PIK3C3: variants seen among roughly 807,000 people sequenced by gnomAD.
PIK3C3 encodes the protein phosphatidylinositol 3-kinase catalytic subunit type 3, also known as PI3-kinase type 3.
Under a neutral mutation model 126.1 loss-of-function variants are expected in PIK3C3, and 95 were observed. The observed-to-expected ratio is 0.75, with a 90% confidence interval of 0.64 to 0.89. The LOEUF (loss-of-function observed/expected upper bound fraction) is 0.89, where lower values mean the gene tolerates loss of function less well. Ranked by LOEUF, PIK3C3 falls within the 40% of genes least tolerant of loss-of-function variation. The probability of loss-of-function intolerance (pLI) is 0.00; values close to 1 mark genes in which losing one functional copy is unlikely to be tolerated. For missense variants in PIK3C3, 829 were observed against 1,063.2 expected (o/e 0.78, Z 3.06); for synonymous variants, 374 against 360.0 (o/e 1.04, Z -0.44).
chr18:42,035,870 G>T (rs2144458475), intron 16 of PIK3C3, among the ~76,000 whole-genome samples: 1 of 152,242 alleles, frequency 6.6e-6, no homozygotes, highest in South Asian at 2.1e-4. Context: ...TAATTTTGTA[G>T]ACCTTAATGT....
chr18:42,057,251 A>T (rs1985110833), intron 21 of PIK3C3, among the ~76,000 whole-genome samples: 1 of 149,698 alleles, frequency 6.7e-6, no homozygotes, highest in East Asian at 2.0e-4. Context: ...CATACTATAC[A>T]ATGAAAACAG....
chr18:42,012,183 TAAAAA>T lies in PIK3C3; in HGVS notation c.1171-1247_1171-1243del, dbSNP rs200019420. ...AGGGTTGCTACAAACCTTCATTCTG[TAAAAA>T]AAAAAAAAAAATGCAATGTGTGCAA... On this transcript the variant is annotated intron_variant, in intron 10 of 24. Transcript: ENST00000262039. Among the ~76,000 whole-genome samples, 4 of 142,216 alleles carry T rather than the reference TAAAAA, an allele frequency of 2.8e-5. No individual in the cohort carries two copies. In the South Asian group the frequency reaches 8.7e-4, roughly 31 times the overall value. 93.3% of individuals were successfully genotyped at this position (142,216 alleles called of 152,430 possible). A position where few individuals can be genotyped will look rare whatever the true frequency, so the allele number is the denominator to read the frequency against.
In PIK3C3 at chr18:42,081,304, T is replaced by A. The variant is rs1451413316; in HGVS notation, c.*167T>A. ...GGTACCTGAGTTCTGCTTCCTTGGATGTCATTGCTTAAATATAGTCTTGAA... is the reference window on the plus strand; with the variant it reads ...GGTACCTGAGTTCTGCTTCCTTGGAAGTCATTGCTTAAATATAGTCTTGAA... On this transcript the variant is annotated 3_prime_UTR_variant, in exon 25 of 25. Transcript: ENST00000262039. The A allele has an allele frequency of 2.6e-5, 13 of 492,884 alleles. No homozygotes were observed. The highest frequency in any genetic ancestry group is 4.8e-5 in the Non-Finnish European group (13 of 271,120). The allele number at this position is 492,884 out of a possible 1,614,324, so 30.5% of individuals were successfully genotyped here.
chr18:41,957,592 G>C lies in PIK3C3; in HGVS notation c.91G>C (p.Glu31Gln). Reference protein sequence around the residue: ...LKIGSLEGKREQKSYKAVLED... With the variant: ...LKIGSLEGKRQQKSYKAVLED... ...CAGAGGAAGCTTGGAAGGGAAGAGA[G>C]AACAAAAGAGTTATAAAGCTGTCCT... is the stretch of plus-strand genomic sequence containing the variant. The change falls in exon 2 of 25, where the codon GAA becomes CAA. Residue 31 changes from glutamate to glutamine, a missense_variant. By Grantham distance (29) the Glu-to-Gln change is conservative. This residue lies in a region of PIK3C3 where 313 missense variants were observed against 340.7 expected (regional missense o/e 0.92). Coordinates refer to ENST00000262039, the MANE Select transcript of PIK3C3 (RefSeq NM_002647.4). The C allele has an allele frequency of 6.2e-7, 1 of 1,609,642 alleles. No individual in the cohort carries two copies. Among genetic ancestry groups the C allele is most frequent in the South Asian group, 1.1e-5 (1 of 90,260 alleles).
At chr18:42,043,923 T>G (rs1329622995) in intron 20 of PIK3C3, 106 bp downstream of exon 20, 7 of 704,402 alleles carry the variant, frequency 9.9e-6, no homozygotes, top group Non-Finnish European at 1.7e-5. Flanking sequence ...ATTTAAATGC[T>G]CTATAGGAAG....
At chr18:41,996,566 T>C (rs1982034854) in intron 8 of PIK3C3, 72 bp from the exon 9 acceptor site, 3 of 652,978 alleles carry the variant, frequency 4.6e-6, no homozygotes, top group South Asian at 5.2e-5. Context: ...AAATGAAAAA[T>C]ATTAAGTGAA....
chr18:42,072,265 T>C (rs1363137684), intron 24 of PIK3C3, among the ~76,000 whole-genome samples: 3 of 152,164 alleles, frequency 2.0e-5, no homozygotes, highest in Admixed American at 6.5e-5. Context: ...GGGAGTAGAT[T>C]AATACATGCT....
intron 12 of PIK3C3, among the ~76,000 whole-genome samples, chr18:42,017,741 T>C (rs930786285): frequency 3.9e-5 from 6 of 152,054 alleles, no homozygotes; most frequent in Non-Finnish European, 4.4e-5. Context: ...TTGATTAATG[T>C]TCATGTTTAT....
chr18:42,027,554 C>T lies in PIK3C3; in HGVS notation c.1590+6C>T, dbSNP rs117737877. ...TCAGCCAAGCATTGTTGAAGGTAAC[C>T]CTTAAATGTGAGGGTTGGCAAACTG... On this transcript the variant is annotated splice_donor_region_variant and intron_variant, in intron 14 of 24. Transcript: ENST00000262039. 828 of 1,579,806 alleles carry T rather than the reference C, an allele frequency of 5.2e-4. 10 individuals carry two copies. The East Asian group carries it at 0.018, about 34-fold the overall frequency.
intron 22 of PIK3C3, among the ~76,000 whole-genome samples, chr18:42,062,179 T>C (rs1985344027): frequency 6.6e-6 from 1 of 152,172 alleles, no homozygotes; most frequent in African/African-American, 2.4e-5. Context: ...GAAAAAATTA[T>C]GTACCTATGT....
intron 4 of PIK3C3, among the ~76,000 whole-genome samples, chr18:41,972,324 TA>T (rs1273616847): frequency 1.3e-5 from 2 of 152,140 alleles, no homozygotes; most frequent in Non-Finnish European, 2.9e-5. Context: ...ATGTTTTTGT[TA>T]ATTGGTAGCA....
At chr18:41,983,329 T>A (rs1328283339) in intron 4 of PIK3C3, among the ~76,000 whole-genome samples, 1 of 151,956 alleles carries the variant, frequency 6.6e-6, no homozygotes, top group African/African-American at 2.4e-5. Context: ...GTATAAAGAT[T>A]AGGGAAGAGT....
chr18:42,007,159 C>T (rs952816395), intron 10 of PIK3C3, among the ~76,000 whole-genome samples: 7 of 152,328 alleles, frequency 4.6e-5, no homozygotes, highest in Non-Finnish European at 5.9e-5. Context: ...TGAGCCACCA[C>T]ACCCGGCCTT....
intron 24 of PIK3C3, among the ~76,000 whole-genome samples, chr18:42,074,741 T>G (rs1036732681): frequency 6.6e-6 from 1 of 152,138 alleles, no homozygotes; most frequent in Non-Finnish European, 1.5e-5. Flanking sequence ...GTGACCCACT[T>G]TTGCCTCATA....
At chr18:42,066,669 AAGT>A (rs1445975064) in intron 23 of PIK3C3, among the ~76,000 whole-genome samples, 3 of 152,224 alleles carry the variant, frequency 2.0e-5, no homozygotes, top group Non-Finnish European at 4.4e-5. Flanking sequence ...ATTTTGCACA[AAGT>A]AGTTCTTCAG....
intron 24 of PIK3C3, among the ~76,000 whole-genome samples, chr18:42,076,724 AGTTTATT>A (rs1986048516): frequency 6.6e-6 from 1 of 152,242 alleles, no homozygotes; most frequent in African/African-American, 2.4e-5. Context: ...AATGCCTTGC[AGTTTATT>A]TCTCATTCAT....
At chr18:42,035,683 T>C (rs1984018284) in intron 16 of PIK3C3, among the ~76,000 whole-genome samples, 1 of 152,126 alleles carries the variant, frequency 6.6e-6, no homozygotes, top group Non-Finnish European at 1.5e-5. Flanking sequence ...CTCATGGATG[T>C]CTTTGAGAAT....
At chr18:42,051,595 C>T (rs772091080) in intron 21 of PIK3C3, among the ~76,000 whole-genome samples, 1 of 152,022 alleles carries the variant, frequency 6.6e-6, no homozygotes, top group Non-Finnish European at 1.5e-5. Flanking sequence ...TGTGTCAAAG[C>T]CAGTCAATCT....
intron 16 of PIK3C3, 103 bp from the exon 17 acceptor site, chr18:42,037,589 T>C (rs1984112170): frequency 9.7e-7 from 1 of 1,034,074 alleles, no homozygotes; most frequent in African/African-American, 1.6e-5. Flanking sequence ...AGGTCCTATT[T>C]ACCTGTGTAT....
Sources: allele counts gnomAD v4.1 joint callset (sites outside exome capture counted in the v4.1 genomes callset), GRCh38; gene constraint gnomAD v4.1.1; regional missense constraint gnomAD v4.1.1; transcripts MANE v1.5; gene names NCBI Gene and HGNC (gene_info 2026-07-23, HGNC 2026-07-21).